The following SLC11A2 variants were observed in gnomAD, a reference collection of about 807,000 sequenced individuals.
The protein encoded by SLC11A2 is natural resistance-associated macrophage protein 2.
In SLC11A2, 38 loss-of-function variants were observed where a neutral mutation model predicts 68.0. The observed-to-expected ratio is 0.56, with a 90% confidence interval of 0.43 to 0.73. SLC11A2 has a LOEUF of 0.73. SLC11A2 is among the 30% of genes least tolerant of loss of function. SLC11A2 has a pLI of 0.00. For missense variants in SLC11A2, 517 were observed against 690.5 expected, an observed-to-expected ratio of 0.75 and a Z score of 2.82; for synonymous variants, 242 against 250.6, an observed-to-expected ratio of 0.97 and a Z score of 0.32.
intron 12 of SLC11A2, 93 bp downstream of exon 12, chr12:50,992,717 T>G (rs1941283174): frequency 2.2e-6 from 3 of 1,367,038 alleles, no homozygotes; most frequent in East Asian, 4.6e-5. Flanking sequence ...GGGCGACGAG[T>G]GAGACTCCAT....
upstream of SLC11A2, among the ~76,000 whole-genome samples, chr12:51,028,744 G>T (rs1414684349): frequency 6.6e-6 from 1 of 152,178 alleles, no homozygotes; most frequent in Non-Finnish European, 1.5e-5. Flanking sequence ...ATTATGAGGA[G>T]TCTCAGAACG....
upstream of SLC11A2, chr12:51,028,293 C>T (rs1275562327): frequency 5.4e-6 from 7 of 1,288,312 alleles, no homozygotes; most frequent in Non-Finnish European, 7.6e-6. Context: ...AGTGCGCCTC[C>T]CTCAGTTAGA....
At chr12:50,968,086 A>AAAT in the SLC11A2 span, among the ~76,000 whole-genome samples, 37 of 148,590 alleles carry the variant, frequency 2.5e-4, 1 homozygote, top group East Asian at 1.8e-3. Context: ...GCATTGTCTC[A>AAAT]AATAATAAGA....
In SLC11A2 at chr12:50,986,852, T is replaced by A; in HGVS notation, c.*1473A>T. 1 of 1,287,220 alleles carries A rather than the reference T, an allele frequency of 7.8e-7. No homozygotes were observed. The highest frequency in any genetic ancestry group is 1.5e-5 in the African/African-American group (1 of 65,910). The allele number at this position is 1,287,220 out of a possible 1,614,324, so 79.7% of individuals were successfully genotyped here. On this transcript the variant is annotated 3_prime_UTR_variant, in exon 16 of 16. Transcript: ENST00000262052. ...CATCCATCCAGTCTGCGCTTTTGAC[T>A]GTGTGCAAGTATCAGTAATAATGCT...
In SLC11A2 at chr12:51,008,555, G is replaced by C. The variant is rs370117035; in HGVS notation, c.104C>G (p.Ser35Cys). 2.5e-6 allele frequency: 4 copies of C among 1,612,154 alleles called. No homozygotes were observed. Among genetic ancestry groups the C allele is most frequent in the Non-Finnish European group, 3.4e-6 (4 of 1,178,256 alleles). Residue 35 changes from serine to cysteine, a missense_variant, in exon 3 of 16, where the codon TCT (serine) becomes TGT (cysteine). Transcript: ENST00000262052. ...TGAGTCCCCAGGGGACTGTGAAAGA[G>C]AGGGATTACTATAGGCAGGGTTGAT... ...GNINPAYSNP[S>C]LSQSPGDSEE... is the part of the protein sequence containing the mutation.
intron 5 of SLC11A2, chr12:51,000,758 G>C: frequency 1.7e-6 from 1 of 586,576 alleles, no homozygotes; most frequent in Non-Finnish European, 3.0e-6. Flanking sequence ...AAAAAGTTTA[G>C]AGGAGAATAA....
Position 50,986,100 on chromosome 12 carries a change from G to A in SLC11A2, c.*2225C>T, listed in dbSNP as rs1244396830. On this transcript the variant is annotated 3_prime_UTR_variant, in exon 16 of 16. Coordinates refer to ENST00000262052, the MANE Select transcript of SLC11A2 (RefSeq NM_000617.3). Reference sequence around the variant, plus strand: ...TAACACCACTAGCAGAACCTCAAGGGAGCCAAGAGCTCTTCCCTTTTCCCC... The same window carrying A: ...TAACACCACTAGCAGAACCTCAAGGAAGCCAAGAGCTCTTCCCTTTTCCCC... 1.6e-6 allele frequency: 2 copies of A among 1,286,306 alleles called. No homozygotes were observed. Among genetic ancestry groups the A allele is most frequent in the East Asian group, 5.5e-5 (1 of 18,032 alleles). The allele number at this position is 1,286,306 out of a possible 1,614,324, so 79.7% of individuals were successfully genotyped here.
Position 50,988,282 on chromosome 12 carries a change from A to G in SLC11A2, c.*43T>C. On this transcript the variant is annotated 3_prime_UTR_variant, in exon 16 of 16. Transcript: ENST00000262052. ...TTCACACAGTAAACCATAGAAACAC[A>G]CTGGCTCTGATGGCTACCTGCAGAA... 6.2e-7 allele frequency: 1 copy of G among 1,613,442 alleles called. No homozygotes were observed. Among genetic ancestry groups the G allele is most frequent in the Non-Finnish European group, 8.5e-7 (1 of 1,179,618 alleles).
At chr12:50,963,324 C>G in the SLC11A2 span, among the ~76,000 whole-genome samples, 76 of 141,240 alleles carry the variant, frequency 5.4e-4, 3 homozygotes, top group East Asian at 0.016. Flanking sequence ...GAACCAAAAC[C>G]ACGCCACTGC....
chr12:50,959,642 G>A, the SLC11A2 span, among the ~76,000 whole-genome samples: 2 of 150,052 alleles, frequency 1.3e-5, no homozygotes, highest in African/African-American at 4.8e-5. Context: ...TGTCGTTGTT[G>A]GTTTTGTTTG....
the SLC11A2 span, chr12:50,970,409 A>T: frequency 9.5e-7 from 1 of 1,053,792 alleles, no homozygotes; most frequent in Non-Finnish European, 1.4e-6. Flanking sequence ...TTTCCCATGG[A>T]TACTCAATTG....
the SLC11A2 span, among the ~76,000 whole-genome samples, chr12:50,953,014 C>T: frequency 1.3e-5 from 2 of 152,294 alleles, no homozygotes; most frequent in East Asian, 3.9e-4. Flanking sequence ...TTAATGTTGG[C>T]TTCAAAAGCC....
At chr12:50,984,235 C>T (rs1940329598), downstream of SLC11A2, among the ~76,000 whole-genome samples, 1 of 152,124 alleles carries the variant, frequency 6.6e-6, no homozygotes, top group Non-Finnish European at 1.5e-5. Context: ...ACCTCACAGG[C>T]TTGCAGTGAT....
chr12:51,004,929 G>T, intron 4 of SLC11A2, 22 bp from the exon 5 acceptor site: 1 of 1,613,402 alleles, frequency 6.2e-7, no homozygotes, highest in African/African-American at 1.3e-5. Context: ...AAAATCTCCT[G>T]TAACACTCAT....
At chr12:50,959,339 C>T in the SLC11A2 span, among the ~76,000 whole-genome samples, 14,983 of 151,974 alleles carry the variant, frequency 0.099, 1,152 homozygotes, top group African/African-American at 0.21. Context: ...AGGCTGGTCT[C>T]GAACTCCTGA....
At chr12:51,004,534 G>T (rs1942551850) in intron 5 of SLC11A2, among the ~76,000 whole-genome samples, 1 of 152,198 alleles carries the variant, frequency 6.6e-6, no homozygotes, top group Non-Finnish European at 1.5e-5. Context: ...CTGGAAGCCA[G>T]AGTGAATGGT....
At chr12:50,985,072 A>C (rs1940417908), downstream of SLC11A2, among the ~76,000 whole-genome samples, 1 of 152,166 alleles carries the variant, frequency 6.6e-6, no homozygotes, top group Non-Finnish European at 1.5e-5. Flanking sequence ...TTGTTGTTAC[A>C]AGGATTAAAT....
intron 1 of SLC11A2, among the ~76,000 whole-genome samples, chr12:51,011,881 C>T (rs893800975): frequency 3.3e-5 from 5 of 152,006 alleles, no homozygotes; most frequent in Admixed American, 3.3e-4. Context: ...TTTTTAAGGA[C>T]AGAAATCTGT....
At chr12:51,005,180 C>T in intron 4 of SLC11A2, 131 bp downstream of exon 4, 1 of 1,040,484 alleles carries the variant, frequency 9.6e-7, no homozygotes, top group Non-Finnish European at 1.5e-6. Context: ...AAGTACTTTA[C>T]ACATAAGAGC....
Sources: allele counts gnomAD v4.1 joint callset (sites outside exome capture counted in the v4.1 genomes callset), GRCh38; gene constraint gnomAD v4.1.1; transcripts MANE v1.5; gene names NCBI Gene and HGNC (gene_info 2026-07-23, HGNC 2026-07-21).